Variants in BSPH1 observed in about 807,000 individuals in gnomAD.
BSPH1 encodes binder of sperm 1.
In BSPH1, 21 loss-of-function variants were observed where a neutral mutation model predicts 22.5. The ratio of observed to expected loss-of-function variants is 0.93; its 90% confidence interval spans 0.66 to 1.35. The LOEUF (loss-of-function observed/expected upper bound fraction) is 1.35, where lower values mean the gene tolerates loss of function less well. Ranked by LOEUF, BSPH1 falls within the 40% of genes most tolerant of loss-of-function variation. The pLI, the probability that BSPH1 is intolerant of heterozygous loss-of-function variation, is 0.00. For missense variants in BSPH1, 141 were observed against 154.2 expected (o/e 0.91, Z 0.45); for synonymous variants, 42 against 53.6 (o/e 0.78, Z 0.95).
intron 1 of BSPH1, among the ~76,000 whole-genome samples, chr19:47,991,449 TCTC>T (rs952286777): frequency 1.4e-4 from 20 of 148,112 alleles, no homozygotes; most frequent in Admixed American, 4.1e-4. Flanking sequence ...CTCCTTCTCC[TCTC>T]CTCCTCCTCC....
chr19:47,979,525 A>T, intron 3 of BSPH1, 45 bp downstream of exon 3: 1 of 978,546 alleles, frequency 1.0e-6, no homozygotes, highest in Non-Finnish European at 1.5e-6. Context: ...TTACAAAATT[A>T]AAAGAAAATA....
chr19:47,972,712 G>A (rs1326941197), intron 5 of BSPH1, among the ~76,000 whole-genome samples: 1 of 151,568 alleles, frequency 6.6e-6, no homozygotes, highest in Non-Finnish European at 1.5e-5. Context: ...GAATATTGAA[G>A]CTGAGGTGGA....
Position 47,970,005 on chromosome 19 carries a change from T to TTG in BSPH1, c.*3-1798_*3-1797dup, listed in dbSNP as rs544103440. Reference sequence around the variant, plus strand: ...GAGAGAGAGACTTTAGAATTTATGTTTGTGTGTGTGTGAGAGAGAGAGAGA... The same window carrying TTG: ...GAGAGAGAGACTTTAGAATTTATGTTTGTGTGTGTGTGTGAGAGAGAGAGAGA... On this transcript the variant is annotated intron_variant, in intron 5 of 5. Coordinates refer to ENST00000344839, the MANE Select transcript of BSPH1 (RefSeq NM_001128326.2). Among the ~76,000 whole-genome samples, 570 of 146,132 alleles carry TTG rather than the reference T, an allele frequency of 3.9e-3. 5 individuals carry two copies. Among genetic ancestry groups the TTG allele is most frequent in the South Asian group, 0.015 (70 of 4,542 alleles).
intron 5 of BSPH1, among the ~76,000 whole-genome samples, chr19:47,975,000 C>T (rs774723814): frequency 3.9e-5 from 6 of 152,136 alleles, no homozygotes; most frequent in Non-Finnish European, 7.4e-5. Context: ...AAAACTCTCT[C>T]ACATATGAAT....
chr19:47,985,639 A>G (rs1333499586), intron 1 of BSPH1, among the ~76,000 whole-genome samples: 1 of 152,138 alleles, frequency 6.6e-6, no homozygotes, highest in Non-Finnish European at 1.5e-5. Context: ...GTTCGAGACC[A>G]GCCTGGCCAA....
At chr19:47,969,828 G>C (rs1245568671) in intron 5 of BSPH1, among the ~76,000 whole-genome samples, 2 of 151,844 alleles carry the variant, frequency 1.3e-5, no homozygotes, top group African/African-American at 2.4e-5. Context: ...GTGTGAGAGA[G>C]AGACTTTAGA....
chr19:47,967,308 C>G (rs973224324), downstream of BSPH1, among the ~76,000 whole-genome samples: 4 of 152,190 alleles, frequency 2.6e-5, no homozygotes, highest in African/African-American at 9.7e-5. Flanking sequence ...GCAAAGGATA[C>G]GATTTCATTC....
At chr19:47,989,107 C>T (rs1436721013) in intron 1 of BSPH1, among the ~76,000 whole-genome samples, 2 of 128,400 alleles carry the variant, frequency 1.6e-5, no homozygotes, top group East Asian at 4.3e-4. Context: ...ATCAAGTCAC[C>T]GTTTTATTAT....
chr19:47,991,221 G>A (rs1305663897), intron 1 of BSPH1, among the ~76,000 whole-genome samples: 1 of 151,948 alleles, frequency 6.6e-6, no homozygotes. Context: ...CGACCACACC[G>A]CGAATCAGGC....
intron 5 of BSPH1, among the ~76,000 whole-genome samples, chr19:47,970,274 G>T (rs2122236781): frequency 6.6e-6 from 1 of 152,218 alleles, no homozygotes; most frequent in African/African-American, 2.4e-5. Flanking sequence ...GTCCAGGCTG[G>T]TCTCAAACTC....
chr19:47,975,783 G>A (rs536300522), intron 5 of BSPH1, among the ~76,000 whole-genome samples: 1 of 151,802 alleles, frequency 6.6e-6, no homozygotes, highest in African/African-American at 2.4e-5. Context: ...AGCCTCCTGA[G>A]TAGCTGGGAC....
At chr19:47,972,439 C>G (rs1208541073) in intron 5 of BSPH1, among the ~76,000 whole-genome samples, 2 of 152,054 alleles carry the variant, frequency 1.3e-5, no homozygotes, top group Non-Finnish European at 1.5e-5. Context: ...CTCCCTCCTC[C>G]CACTCTCCAC....
chr19:47,980,943 TG>T lies in BSPH1; in HGVS notation c.74-3del. The T allele has an allele frequency of 7.0e-7, 1 of 1,434,318 alleles. No homozygotes were observed. The highest frequency in any genetic ancestry group is 9.3e-7 in the Non-Finnish European group (1 of 1,071,016). 88.8% of individuals were successfully genotyped at this position (1,434,318 alleles called of 1,614,324 possible). ...CACCCACAGTTGATGATAATTCATC[TG>T]AAAAACACAATTTTGAACAAATATT... On this transcript the variant is annotated splice_polypyrimidine_tract_variant and splice_region_variant and intron_variant, in intron 1 of 5. Coordinates refer to ENST00000344839, the MANE Select transcript of BSPH1 (RefSeq NM_001128326.2).
rs921217248 is a variant in BSPH1 at position 47,976,590 on chromosome 19, A to T, written c.*2+120T>A. ...CTTCAACTCACATCCCAGAAAAAAA[A>T]AAAAAACAAAAAAAAACCCTCTCTA... On this transcript the variant is annotated intron_variant, in intron 5 of 5. Transcript: ENST00000344839. 1.8e-5 allele frequency: 12 copies of T among 677,358 alleles called. 1 individual carries two copies. The highest frequency in any genetic ancestry group is 1.8e-4 in the African/African-American group (9 of 50,978). The allele number at this position is 677,358 out of a possible 1,614,324, so 42.0% of individuals were successfully genotyped here. A position where few individuals can be genotyped will look rare whatever the true frequency, so the allele number is the denominator to read the frequency against.
chr19:47,980,439 T>A (rs938931982), intron 2 of BSPH1: 4 of 323,734 alleles, frequency 1.2e-5, no homozygotes, highest in East Asian at 2.9e-4. Flanking sequence ...AAAAGTAAAA[T>A]TAACAGTAAA....
intron 1 of BSPH1, among the ~76,000 whole-genome samples, chr19:47,982,733 G>C (rs2042910): frequency 0.68 from 104,060 of 152,066 alleles, 36,088 homozygotes; most frequent in African/African-American, 0.79. Context: ...AGTAAATAAA[G>C]AAAATATGGT....
At chr19:47,974,549 C>G (rs1292248191) in intron 5 of BSPH1, among the ~76,000 whole-genome samples, 1 of 151,988 alleles carries the variant, frequency 6.6e-6, no homozygotes, top group African/African-American at 2.4e-5. Flanking sequence ...GGATTACAGG[C>G]GTGAGCCACT....
At chr19:47,984,167 T>A (rs959384353) in intron 1 of BSPH1, among the ~76,000 whole-genome samples, 27 of 142,076 alleles carry the variant, frequency 1.9e-4, no homozygotes, top group African/African-American at 3.6e-4. Context: ...AAAAAAAATA[T>A]ATATATATAT....
intron 5 of BSPH1, among the ~76,000 whole-genome samples, chr19:47,975,003 A>G (rs1377941270): frequency 6.6e-6 from 1 of 152,140 alleles, no homozygotes; most frequent in Non-Finnish European, 1.5e-5. Flanking sequence ...ACTCTCTCAC[A>G]TATGAATCCC....
Sources: allele counts gnomAD v4.1 joint callset (sites outside exome capture counted in the v4.1 genomes callset), GRCh38; gene constraint gnomAD v4.1.1; transcripts MANE v1.5; gene names NCBI Gene and HGNC (gene_info 2026-07-23, HGNC 2026-07-21).